Variants in TRPV1 observed in about 807,000 individuals in gnomAD.
TRPV1 encodes the protein OTRPC1.
TRPV1 carries 82 observed loss-of-function variants against 82.3 expected under a neutral mutation model. That is an observed-to-expected ratio of 1.00 (90% CI 0.83 to 1.20). The LOEUF (loss-of-function observed/expected upper bound fraction) is 1.20, where lower values mean the gene tolerates loss of function less well. Ranked by LOEUF, TRPV1 falls within the 50% of genes most tolerant of loss-of-function variation. The pLI, the probability that TRPV1 is intolerant of heterozygous loss-of-function variation, is 0.00. For missense variants in TRPV1, 1,067 were observed against 1,096.8 expected, an observed-to-expected ratio of 0.97 and a Z score of 0.38; for synonymous variants, 515 against 467.7, an observed-to-expected ratio of 1.10 and a Z score of -1.30.
Position 3,590,971 on chromosome 17 carries a change from G to C in TRPV1, c.597C>G (p.Tyr199Ter). Residue 199 changes from tyrosine (Y) to a stop codon, truncating the protein, a stop_gained, in exon 5 of 17, where the codon TAC becomes TAG. Transcript: ENST00000572705. LOFTEE classifies it high-confidence loss of function. The part of the protein sequence containing the change: ...ELVNASYTDS[Y>*]YKGQTALHIA... ...CCCCGCCGCCCTCCTCACCCTTGTA[G>C]TAGCTGTCCGTGTAGCTGGCGTTGA... 1 of 1,604,990 alleles carries C rather than the reference G, an allele frequency of 6.2e-7. No individual in the cohort carries two copies. The highest frequency in any genetic ancestry group is 8.5e-7 in the Non-Finnish European group (1 of 1,176,696).
Position 3,609,322 on chromosome 17 carries a change from T to TGAGAGAGAGAGAGAGAGAGAGA in TRPV1, c.-208_-187dup, listed in dbSNP as rs3840876. On this transcript the variant is annotated 5_prime_UTR_variant, in exon 1 of 17. Coordinates refer to ENST00000572705, the MANE Select transcript of TRPV1 (RefSeq NM_080704.4). Reference sequence around the variant, plus strand: ...TATGTTTCATACCTGTCATGGATACTGAGAGAGAGAGAGAGAGAGAGAGAG... The same window carrying TGAGAGAGAGAGAGAGAGAGAGA: ...TATGTTTCATACCTGTCATGGATACTGAGAGAGAGAGAGAGAGAGAGAGAGAGAGAGAGAGAGAGAGAGAGAG... 157 of 148,656 alleles carry TGAGAGAGAGAGAGAGAGAGAGA rather than the reference T, an allele frequency of 1.1e-3. 4 individuals are homozygous for TGAGAGAGAGAGAGAGAGAGAGA. Among genetic ancestry groups the TGAGAGAGAGAGAGAGAGAGAGA allele is most frequent in the African/African-American group, 6.7e-4 (27 of 40,014 alleles). The allele number at this position is 148,656 out of a possible 1,614,324, so 9.2% of individuals were successfully genotyped here. A position where few individuals can be genotyped will look rare whatever the true frequency, so the allele number is the denominator to read the frequency against.
chr17:3,598,202 C>T (rs940422949), intron 2 of TRPV1, among the ~76,000 whole-genome samples: 3 of 152,226 alleles, frequency 2.0e-5, no homozygotes, highest in African/African-American at 7.2e-5. Flanking sequence ...GGGACGCCAA[C>T]AAGCCGTAGG....
intron 2 of TRPV1, among the ~76,000 whole-genome samples, chr17:3,597,939 T>A (rs1441274281): frequency 1.3e-5 from 2 of 152,170 alleles, no homozygotes; most frequent in African/African-American, 2.4e-5. Flanking sequence ...CCCAAAGTGC[T>A]GGGATTCCAG....
intron 2 of TRPV1, chr17:3,608,178 T>C (rs2075310530): frequency 7.5e-6 from 1 of 133,014 alleles, no homozygotes; most frequent in Admixed American, 9.1e-5. Flanking sequence ...ACCACTGTAC[T>C]CCAGCCTGGG....
At chr17:3,587,256 A>G (rs2075096643) in intron 8 of TRPV1, among the ~76,000 whole-genome samples, 1 of 152,184 alleles carries the variant, frequency 6.6e-6, no homozygotes, top group Non-Finnish European at 1.5e-5. Context: ...GGGGAGGCAG[A>G]GCAGACCAGG....
chr17:3,571,565 C>A lies in TRPV1; in HGVS notation c.2306G>T (p.Gly769Val), dbSNP rs1444742775. Residue 769 changes from glycine (G) to valine (V), a missense_variant, in exon 16 of 17, where the codon GGC becomes GTC. Coordinates refer to ENST00000572705, the MANE Select transcript of TRPV1 (RefSeq NM_080704.4). ...IINEDPGNCE[G>V]VKRTLSFSLR... ...GGAGAAGCTCAGGGTGCGCTTGACG[C>A]CCTCACAGTTGCCCGGGTCTTCGTT... 1 of 1,612,064 alleles carries A rather than the reference C, an allele frequency of 6.2e-7. No homozygotes were observed. Among genetic ancestry groups the A allele is most frequent in the Non-Finnish European group, 8.5e-7 (1 of 1,179,182 alleles).
intron 3 of TRPV1, 89 bp from the exon 4 acceptor site, chr17:3,591,442 C>G: frequency 6.8e-7 from 1 of 1,460,808 alleles, no homozygotes; most frequent in Admixed American, 2.3e-5. Context: ...ACGACTAAAT[C>G]CCAAGGCAAA....
At position 3,591,464 on chromosome 17, in the gene TRPV1, A is replaced by G. The variant is rs909827580; in HGVS notation, c.285-111T>C. The G allele has an allele frequency of 8.6e-6, 11 of 1,285,222 alleles. No individual in the cohort carries two copies. The African/African-American group carries it at 1.6e-4, about 19-fold the overall frequency. 79.6% of individuals were successfully genotyped at this position (1,285,222 alleles called of 1,614,324 possible). On this transcript the variant is annotated intron_variant, in intron 3 of 16. Coordinates refer to ENST00000572705, the MANE Select transcript of TRPV1 (RefSeq NM_080704.4). ...AATCCCAAGGCAAACCAAAAAGGGG[A>G]AAAATGATATAAAAGCTGCCCCTCA...
At chr17:3,609,075 G>T (rs937985858) in intron 1 of TRPV1, 1 of 152,156 alleles carries the variant, frequency 6.6e-6, no homozygotes, top group Non-Finnish European at 1.5e-5. Flanking sequence ...TAGTAGAGAC[G>T]GGGTATCCCC....
rs2075109375 is a variant in TRPV1, at chr17:3,588,289, A to G, written c.1123T>C (p.Tyr375His). 2 of 1,577,068 alleles carry G rather than the reference A, an allele frequency of 1.3e-6. No homozygotes were observed. Among genetic ancestry groups the G allele is most frequent in the Non-Finnish European group, 1.7e-6 (2 of 1,162,008 alleles). The change falls in exon 8 of 17, where the codon TAC becomes CAC. Residue 375 changes from tyrosine to histidine, a missense_variant. Transcript: ENST00000572705. ...TACAGCGAGGAGTGCACGGGCCCGT[A>G]GGCCCACTCGGTGAACTTCCTGGAC... Reference protein sequence around the residue: ...HLSRKFTEWAYGPVHSSLYDL... With the variant: ...HLSRKFTEWAHGPVHSSLYDL...
chr17:3,589,062 G>T (rs1248391608), intron 7 of TRPV1: 1 of 1,104,098 alleles, frequency 9.1e-7, no homozygotes, highest in Non-Finnish European at 1.3e-6. Context: ...GAGGTGGAAG[G>T]ATCACTTGAG....
At chr17:3,607,066 G>A (rs1291188082) in intron 2 of TRPV1, among the ~76,000 whole-genome samples, 4 of 152,160 alleles carry the variant, frequency 2.6e-5, no homozygotes, top group Non-Finnish European at 5.9e-5. Flanking sequence ...TACAGTAGCA[G>A]GCCAGGCATG....
chr17:3,588,370 GC>G lies in TRPV1; in HGVS notation c.1045-4del, dbSNP rs1326446701. The G allele has an allele frequency of 3.2e-6, 5 of 1,552,666 alleles. No individual in the cohort carries two copies. Among genetic ancestry groups the G allele is most frequent in the Non-Finnish European group, 4.4e-6 (5 of 1,147,590 alleles). ...CGCTGGAGAATATAGGCCAAGACCT[GC>G]CCCCGGGGAGCAAGAGCCCGTCAGA... On this transcript the variant is annotated splice_region_variant and splice_polypyrimidine_tract_variant and intron_variant, in intron 7 of 16. Transcript: ENST00000572705.
chr17:3,567,062 T>C (rs1182177183), intron 16 of TRPV1, 75 bp from the exon 17 acceptor site: 1 of 1,541,000 alleles, frequency 6.5e-7, no homozygotes. Context: ...AGTCTCCAGA[T>C]AAAAGGAGGT....
chr17:3,577,851 TC>T, intron 11 of TRPV1, 88 bp from the exon 12 acceptor site: 1 of 1,325,872 alleles, frequency 7.5e-7, no homozygotes, highest in Non-Finnish European at 1.0e-6. Flanking sequence ...CGCTCAGAGG[TC>T]CAGACTGCAG....
intron 16 of TRPV1, among the ~76,000 whole-genome samples, chr17:3,567,496 G>A (rs1292399527): frequency 6.6e-6 from 1 of 151,782 alleles, no homozygotes; most frequent in African/African-American, 2.4e-5. Flanking sequence ...ACTACTCAAA[G>A]AGCCTCATGC....
intron 13 of TRPV1, among the ~76,000 whole-genome samples, chr17:3,576,668 A>AAAAAAAAAAAAAAAATAT: frequency 4.7e-4 from 18 of 38,406 alleles, no homozygotes; most frequent in African/African-American, 8.0e-4. Flanking sequence ...AAAAAAAAAA[A>AAAAAAAAAAAAAAAATAT]ATATATATAT....
At chr17:3,598,087 G>T (rs896947324) in intron 2 of TRPV1, among the ~76,000 whole-genome samples, 2 of 152,188 alleles carry the variant, frequency 1.3e-5, no homozygotes, top group Non-Finnish European at 2.9e-5. Context: ...AGAACAATAG[G>T]TTTCATTCTC....
intron 3 of TRPV1, 21 bp downstream of exon 3, chr17:3,592,046 G>A (rs994936605): frequency 2.5e-6 from 4 of 1,603,154 alleles, no homozygotes; most frequent in Non-Finnish European, 1.7e-6. Context: ...GCAGGGAGGG[G>A]GGCTCCAGAC....
Sources: allele counts gnomAD v4.1 joint callset (sites outside exome capture counted in the v4.1 genomes callset), GRCh38; gene constraint gnomAD v4.1.1; transcripts MANE v1.5; gene names NCBI Gene and HGNC (gene_info 2026-07-23, HGNC 2026-07-21).